ELOVL3: variants seen among roughly 807,000 people sequenced by gnomAD.
ELOVL3 encodes very long chain fatty acid elongase 3.
A neutral mutation model predicts 14.9 loss-of-function variants in ELOVL3; 11 were observed. The ratio of observed to expected loss-of-function variants is 0.74; its 90% confidence interval spans 0.46 to 1.22. The LOEUF is 1.22. ELOVL3 is among the 50% of genes most tolerant of loss of function. The probability of loss-of-function intolerance (pLI) is 0.00; values close to 1 mark genes in which losing one functional copy is unlikely to be tolerated. For synonymous variants in ELOVL3, 117 were observed against 124.7 expected, an observed-to-expected ratio of 0.94 and a Z score of 0.41; for missense variants, 277 against 338.9, an observed-to-expected ratio of 0.82 and a Z score of 1.43.
At chr10:102,225,844 C>G (rs1450590970), upstream of ELOVL3, among the ~76,000 whole-genome samples, 1 of 152,228 alleles carries the variant, frequency 6.6e-6, no homozygotes, top group Non-Finnish European at 1.5e-5. Flanking sequence ...TCATCTCCTT[C>G]CACCCACTCA....
At position 102,226,456 on chromosome 10, in the gene ELOVL3, G is replaced by T; in HGVS notation, c.-93G>T. 1 of 878,224 alleles carries T rather than the reference G, an allele frequency of 1.1e-6. No individual in the cohort carries two copies. 54.4% of individuals were successfully genotyped at this position (878,224 alleles called of 1,614,324 possible). On this transcript the variant is annotated 5_prime_UTR_variant, in exon 1 of 4. Transcript: ENST00000370005. ...CAGGAGTTCCTTCTGTCCCGGCTCT[G>T]TTCCGTCTCGCCCCGAGGTTCACGC...
chr10:102,229,209 C>T lies in ELOVL3; in HGVS notation c.770C>T (p.Thr257Ile), dbSNP rs1230347809. 2.5e-6 allele frequency: 4 copies of T among 1,613,672 alleles called. No homozygotes were observed. Among genetic ancestry groups the T allele is most frequent in the African/African-American group, 2.7e-5 (2 of 74,914 alleles). The change falls in exon 4 of 4, where the codon ACC becomes ATC. Residue 257 changes from threonine (T) to isoleucine (I), a missense_variant. By Grantham distance (89) the Thr-to-Ile change is moderately conservative (BLOSUM62 -1). Transcript: ENST00000370005. ...FILFAHFFCQ[T>I]YIRPKVKAKT... ...CTCTTTGCCCACTTCTTCTGCCAGACCTACATCAGGCCCAAGGTCAAAGCC... is the reference window on the plus strand; with the variant it reads ...CTCTTTGCCCACTTCTTCTGCCAGATCTACATCAGGCCCAAGGTCAAAGCC...
At position 102,228,925 on chromosome 10, in the gene ELOVL3, C is replaced by A. The variant is rs1450685156; in HGVS notation, c.486C>A (p.Asn162Lys). 1.2e-6 allele frequency: 2 copies of A among 1,614,214 alleles called. No homozygotes were observed. The highest frequency in any genetic ancestry group is 2.2e-5 in the East Asian group (1 of 44,886). The change falls in exon 4 of 4, where the codon AAC becomes AAA. Residue 162 changes from asparagine to lysine, a missense_variant. Transcript: ENST00000370005. ...TGTACACAAGCTTTGGATACAAGAACAAAGTGCCTGCAGGAGGCTGGTTCG... is the reference window on the plus strand; with the variant it reads ...TGTACACAAGCTTTGGATACAAGAAAAAAGTGCCTGCAGGAGGCTGGTTCG... ...VLVYTSFGYKNKVPAGGWFVT... is the reference protein window; with the variant it reads ...VLVYTSFGYKKKVPAGGWFVT...
rs2070178214 is a variant in ELOVL3, at chr10:102,229,369, G to A, written c.*117G>A. ...TACCTGCATGGTTTCCCCAGAGGATGTGTGCCCCAAGGTGGCTGGAATTTT... is the reference window on the plus strand; with the variant it reads ...TACCTGCATGGTTTCCCCAGAGGATATGTGCCCCAAGGTGGCTGGAATTTT... On this transcript the variant is annotated 3_prime_UTR_variant, in exon 4 of 4. Coordinates refer to ENST00000370005, the MANE Select transcript of ELOVL3 (RefSeq NM_152310.3). 20 of 1,036,218 alleles carry A rather than the reference G, an allele frequency of 1.9e-5. No individual in the cohort carries two copies. Among genetic ancestry groups the A allele is most frequent in the Non-Finnish European group, 2.6e-5 (19 of 729,624 alleles). The allele number at this position is 1,036,218 out of a possible 1,614,324, so 64.2% of individuals were successfully genotyped here. A position where few individuals can be genotyped will look rare whatever the true frequency, so the allele number is the denominator to read the frequency against.
upstream of ELOVL3, among the ~76,000 whole-genome samples, chr10:102,225,369 T>C (rs1302280376): frequency 3.3e-5 from 5 of 152,238 alleles, no homozygotes; most frequent in Non-Finnish European, 7.3e-5. Context: ...TAGCCATTTA[T>C]ACCCACATCT....
In ELOVL3 at chr10:102,227,689, G is replaced by A. The variant is rs1157919946; in HGVS notation, c.165G>A (p.Met55Ile). Residue 55 changes from methionine (M) to isoleucine (I), a missense_variant, in exon 2 of 4, where the codon ATG (methionine) becomes ATA (isoleucine). Physicochemically the swap from Met to Ile is conservative, Grantham distance 10. Coordinates refer to ENST00000370005, the MANE Select transcript of ELOVL3 (RefSeq NM_152310.3). ...TCATCGCTGTGGGGCAGAACTACAT[G>A]AAGGAACGCAAGGGCTTCAACCTGC... is the stretch of plus-strand genomic sequence containing the variant. ...LVLIAVGQNY[M>I]KERKGFNLQG... The A allele has an allele frequency of 2.5e-6, 4 of 1,613,618 alleles. No homozygotes were observed. The highest frequency in any genetic ancestry group is 3.4e-6 in the Non-Finnish European group (4 of 1,179,856).
upstream of ELOVL3, chr10:102,226,282 T>C (rs2070134136): frequency 2.3e-6 from 1 of 435,796 alleles, no homozygotes; most frequent in Admixed American, 4.0e-5. Flanking sequence ...TTGGTCGAGA[T>C]TGGATAGCGG....
rs1461215724 is a variant in ELOVL3, at chr10:102,226,578, A to C, written c.30A>C (p.Glu10Asp). ...TCACAGCCATGAATGTCTCACATGAAGTAAATCAGCTGTTCCAGCCCTATA... is the reference window on the plus strand; with the variant it reads ...TCACAGCCATGAATGTCTCACATGACGTAAATCAGCTGTTCCAGCCCTATA... MVTAMNVSH[E>D]VNQLFQPYNF... is the part of the protein sequence containing the mutation. Residue 10 changes from glutamate (E) to aspartate (D), a missense_variant, in exon 1 of 4, where the codon GAA becomes GAC. Coordinates refer to ENST00000370005, the MANE Select transcript of ELOVL3 (RefSeq NM_152310.3). 1 of 1,614,106 alleles carries C rather than the reference A, an allele frequency of 6.2e-7. No individual in the cohort carries two copies. The highest frequency in any genetic ancestry group is 8.5e-7 in the Non-Finnish European group (1 of 1,179,990).
At position 102,226,371 on chromosome 10, in the gene ELOVL3, C is replaced by G. The variant is rs541315771; in HGVS notation, c.-178C>G. On this transcript the variant is annotated 5_prime_UTR_variant, in exon 1 of 4. Coordinates refer to ENST00000370005, the MANE Select transcript of ELOVL3 (RefSeq NM_152310.3). ...CGTTATATATCGCAGTGGCTGCGCC[C>G]GGGATAGCTGGCTGCGCCGCCGCGC... 5.2e-6 allele frequency: 3 copies of G among 571,958 alleles called. No homozygotes were observed. In the African/African-American group the frequency reaches 5.7e-5, roughly 11 times the overall value. The allele number at this position is 571,958 out of a possible 1,614,324, so 35.4% of individuals were successfully genotyped here.
intron 1 of ELOVL3, among the ~76,000 whole-genome samples, chr10:102,227,358 G>A (rs1465298042): frequency 6.6e-6 from 1 of 152,138 alleles, no homozygotes; most frequent in Non-Finnish European, 1.5e-5. Context: ...CCCACTGAGA[G>A]AGCAATAATC....
Position 102,229,065 on chromosome 10 carries a change from A to G in ELOVL3, c.626A>G (p.Gln209Arg). The change falls in exon 4 of 4, where the codon CAG (glutamine) becomes CGG (arginine). Residue 209 changes from glutamine (Q) to arginine (R), a missense_variant. By Grantham distance (43) the Gln-to-Arg change is conservative. Coordinates refer to ENST00000370005, the MANE Select transcript of ELOVL3 (RefSeq NM_152310.3). ...PMLITSLQILQMFVGAIVSIL... is the reference protein window; with the variant it reads ...PMLITSLQILRMFVGAIVSIL... ...CTCATCACCAGCCTGCAGATCTTGC[A>G]GATGTTTGTAGGAGCCATCGTCAGC... The G allele has an allele frequency of 6.2e-7, 1 of 1,614,166 alleles. No homozygotes were observed. Among genetic ancestry groups the G allele is most frequent in the Non-Finnish European group, 8.5e-7 (1 of 1,180,024 alleles).
Position 102,229,233 on chromosome 10 carries a change from C to G in ELOVL3, c.794C>G (p.Ala265Gly). Residue 265 changes from alanine (A) to glycine (G), a missense_variant, in exon 4 of 4, where the codon GCC (alanine) becomes GGC (glycine). Transcript: ENST00000370005. Reference protein sequence around the residue: ...CQTYIRPKVKAKTKSQ With the variant: ...CQTYIRPKVKGKTKSQ ...ACCTACATCAGGCCCAAGGTCAAAG[C>G]CAAGACCAAGAGCCAGTGAAGGTTT... 6.2e-7 allele frequency: 1 copy of G among 1,610,968 alleles called. No homozygotes were observed.
At chr10:102,226,277 C>G (rs1322136276), upstream of ELOVL3, 4 of 421,984 alleles carry the variant, frequency 9.5e-6, no homozygotes, top group South Asian at 1.0e-4. Context: ...GTATCTTGGT[C>G]GAGATTGGAT....
chr10:102,229,430 TG>T lies in ELOVL3; in HGVS notation c.*180del. 1.6e-6 allele frequency: 1 copy of T among 617,508 alleles called. No individual in the cohort carries two copies. Among genetic ancestry groups the T allele is most frequent in the Non-Finnish European group, 2.8e-6 (1 of 357,240 alleles). 38.3% of individuals were successfully genotyped at this position (617,508 alleles called of 1,614,324 possible). A position where few individuals can be genotyped will look rare whatever the true frequency, so the allele number is the denominator to read the frequency against. Reference sequence around the variant, plus strand: ...GAAGGGTGACCTTGGGATGGGGGTGTGGTCTGTTACTTTAATGTTTCTGTTT... The same window carrying T: ...GAAGGGTGACCTTGGGATGGGGGTGTGTCTGTTACTTTAATGTTTCTGTTT... On this transcript the variant is annotated 3_prime_UTR_variant, in exon 4 of 4. Transcript: ENST00000370005.
chr10:102,226,193 G>A (rs2070133584), upstream of ELOVL3: 4 of 195,702 alleles, frequency 2.0e-5, no homozygotes, highest in South Asian at 3.4e-4. Context: ...CGGGGTGTGC[G>A]AAACGCCTGG....
At position 102,227,756 on chromosome 10, in the gene ELOVL3, A is replaced by G; in HGVS notation, c.232A>G (p.Ser78Gly). ...ILWSFCLAIFSILGAVRMWGI... is the reference protein window; with the variant it reads ...ILWSFCLAIFGILGAVRMWGI... ...CTGGTCCTTCTGCCTTGCAATCTTC[A>G]GGTAAGACCCCATCCCACTCCCTGC... The change falls in exon 2 of 4, where the codon AGT becomes GGT. Residue 78 changes from serine (S) to glycine (G), a missense_variant and splice_region_variant. By Grantham distance (56) the Ser-to-Gly change is moderately conservative. Coordinates refer to ENST00000370005, the MANE Select transcript of ELOVL3 (RefSeq NM_152310.3). 1.2e-6 allele frequency: 2 copies of G among 1,613,606 alleles called. No homozygotes were observed. Among genetic ancestry groups the G allele is most frequent in the Middle Eastern group, 1.7e-4 (1 of 6,058 alleles).
At chr10:102,227,112 G>A (rs2070142362) in intron 1 of ELOVL3, among the ~76,000 whole-genome samples, 1 of 152,104 alleles carries the variant, frequency 6.6e-6, no homozygotes, top group Non-Finnish European at 1.5e-5. Context: ...GCTTTCCCCA[G>A]GAAGAGCTCT....
At chr10:102,227,900 T>C in intron 2 of ELOVL3, 143 bp downstream of exon 2, 1 of 939,418 alleles carries the variant, frequency 1.1e-6, no homozygotes, top group Non-Finnish European at 1.6e-6. Context: ...CGGCTTTAGT[T>C]CCCCTCCCAG....
intron 1 of ELOVL3, 26 bp downstream of exon 1, chr10:102,226,675 C>G: frequency 2.5e-6 from 4 of 1,575,768 alleles, no homozygotes; most frequent in Non-Finnish European, 3.5e-6. Flanking sequence ...AGGGAAAGGC[C>G]ATGCCAGGGC....
Sources: gnomAD v4.1 joint callset for allele counts (sites outside exome capture counted in the v4.1 genomes callset) on GRCh38, gnomAD v4.1.1 for gene constraint, MANE v1.5 for transcripts, NCBI Gene and HGNC (gene_info 2026-07-23, HGNC 2026-07-21) for gene names.